The following RALYL variants were observed in gnomAD, a reference collection of about 807,000 sequenced individuals.
The protein encoded by RALYL is RALY RNA binding protein like.
RALYL carries 29 observed loss-of-function variants against 35.1 expected under a neutral mutation model. The ratio of observed to expected loss-of-function variants is 0.83; its 90% CI spans 0.61 to 1.13. RALYL has a LOEUF of 1.13. RALYL is among the 50% of genes most tolerant of loss of function. The pLI is 0.00. For synonymous variants in RALYL, 120 were observed against 127.6 expected (o/e 0.94, Z 0.40); for missense variants, 359 against 360.4 (o/e 1.00, Z 0.03).
chr8:84,624,668 C>T (rs1588601437), intron 2 of RALYL, among the ~76,000 whole-genome samples: 1 of 152,256 alleles, frequency 6.6e-6, no homozygotes, highest in East Asian at 1.9e-4. Flanking sequence ...TGTAAGATTA[C>T]ATATTCACAG....
intron 1 of RALYL, among the ~76,000 whole-genome samples, chr8:84,266,798 A>G (rs1480913214): frequency 6.6e-6 from 1 of 151,916 alleles, no homozygotes; most frequent in African/African-American, 2.4e-5. Flanking sequence ...GTCTCTACTA[A>G]AAATACAAAA....
chr8:84,371,038 T>A (rs1855573947), intron 1 of RALYL, among the ~76,000 whole-genome samples: 1 of 151,980 alleles, frequency 6.6e-6, no homozygotes, highest in South Asian at 2.1e-4. Flanking sequence ...GCCTGGCCTA[T>A]GATGTGAGCG....
chr8:84,246,856 A>C (rs73688440), intron 1 of RALYL, among the ~76,000 whole-genome samples: 4,371 of 152,256 alleles, frequency 0.029, 214 homozygotes, highest in African/African-American at 0.098. Flanking sequence ...CCAAGCAAAA[A>C]AAAAGTGATC....
rs1845805559 is a variant in RALYL, at chr8:84,902,188, C to T, written c.858+14412C>T. ...GGCTGTACAGGGAGCATGATGCTGG[C>T]ATCTCCTCAGCTTCCGAGGAGGCCC... On this transcript the variant is annotated intron_variant, in intron 8 of 8. Transcript: ENST00000521268. 1.3e-5 allele frequency among the ~76,000 whole-genome samples: 2 copies of T among 152,084 alleles called. 1 individual carries two copies. Among genetic ancestry groups the T allele is most frequent in the Admixed American group, 1.3e-4 (2 of 15,256 alleles).
intron 2 of RALYL, among the ~76,000 whole-genome samples, chr8:84,590,930 A>G (rs1813106137): frequency 6.6e-6 from 1 of 152,078 alleles, no homozygotes; most frequent in African/African-American, 2.4e-5. Context: ...CTTATTAATT[A>G]TAGGCATAAT....
intron 4 of RALYL, among the ~76,000 whole-genome samples, chr8:84,815,448 A>T (rs1826986799): frequency 1.4e-5 from 2 of 147,972 alleles, no homozygotes; most frequent in South Asian, 4.2e-4. Context: ...TTTATTATAA[A>T]TACATAATAC....
chr8:84,745,164 G>A (rs1255470199), intron 2 of RALYL, among the ~76,000 whole-genome samples: 1 of 151,594 alleles, frequency 6.6e-6, no homozygotes, highest in East Asian at 1.9e-4. Context: ...ACAATGTTCT[G>A]TATGATTTCA....
At chr8:84,822,752 ACATTGTTTTTAAAAG>A (rs1828812041) in intron 4 of RALYL, among the ~76,000 whole-genome samples, 1 of 152,192 alleles carries the variant, frequency 6.6e-6, no homozygotes, top group African/African-American at 2.4e-5. Flanking sequence ...TATGCAATGC[ACATTGTTTTTAAAAG>A]CATCGTTAAT....
chr8:84,514,090 T>TAAAAAAAAAAAAAAAAAAAA (rs57881021), intron 1 of RALYL, among the ~76,000 whole-genome samples: 20 of 41,116 alleles, frequency 4.9e-4, no homozygotes, highest in Non-Finnish European at 6.3e-4. Context: ...AGATTTCATC[T>TAAAAAAAAAAAAAAAAAAAA]AAAAAAAAAA....
chr8:84,264,238 A>G (rs544975266), intron 1 of RALYL, among the ~76,000 whole-genome samples: 2 of 152,298 alleles, frequency 1.3e-5, no homozygotes, highest in South Asian at 4.1e-4. Context: ...CTAACAGTGT[A>G]AAAGCATTCC....
chr8:84,599,505 G>A (rs115879293), intron 2 of RALYL, among the ~76,000 whole-genome samples: 348 of 152,034 alleles, frequency 2.3e-3, no homozygotes, highest in African/African-American at 5.2e-3. Context: ...TAGAATAACT[G>A]TAGCAAACAT....
At chr8:84,572,214 GT>G (rs1808175119) in intron 2 of RALYL, among the ~76,000 whole-genome samples, 1 of 146,490 alleles carries the variant, frequency 6.8e-6, no homozygotes, top group African/African-American at 2.5e-5. Context: ...TGTTTTTTTT[GT>G]TTTTGTTGTT....
chr8:84,284,371 G>A (rs1488218666), intron 1 of RALYL, among the ~76,000 whole-genome samples: 2 of 152,094 alleles, frequency 1.3e-5, no homozygotes, highest in Admixed American at 6.6e-5. Context: ...GTCATCTGTA[G>A]TTCAGCATTA....
intron 2 of RALYL, among the ~76,000 whole-genome samples, chr8:84,534,902 T>G (rs1188762386): frequency 6.6e-6 from 1 of 152,206 alleles, no homozygotes; most frequent in Non-Finnish European, 1.5e-5. Flanking sequence ...CAGTTTTTTA[T>G]AAATATAATC....
At chr8:84,207,710 TTAAA>T (rs1335741035) in intron 1 of RALYL, among the ~76,000 whole-genome samples, 1 of 152,006 alleles carries the variant, frequency 6.6e-6, no homozygotes, top group Non-Finnish European at 1.5e-5. Flanking sequence ...ACAGCAGGTC[TTAAA>T]TATATTCACC....
chr8:84,678,491 T>G (rs1834685388), intron 2 of RALYL, among the ~76,000 whole-genome samples: 1 of 152,056 alleles, frequency 6.6e-6, no homozygotes, highest in Non-Finnish European at 1.5e-5. Flanking sequence ...GGTTTCAAAC[T>G]CCTGATCTAA....
At chr8:84,767,794 C>A (rs1214265773) in intron 2 of RALYL, among the ~76,000 whole-genome samples, 1 of 152,158 alleles carries the variant, frequency 6.6e-6, no homozygotes, top group East Asian at 1.9e-4. Context: ...TTGGTTTTAT[C>A]AATCCTCACT....
chr8:84,845,350 G>GT (rs919231936), intron 4 of RALYL, among the ~76,000 whole-genome samples: 10 of 149,436 alleles, frequency 6.7e-5, no homozygotes, highest in Non-Finnish European at 7.5e-5. Flanking sequence ...TACATCTGTT[G>GT]TTTTTTTATT....
At chr8:84,577,785 A>C (rs1431693490) in intron 2 of RALYL, among the ~76,000 whole-genome samples, 1 of 152,228 alleles carries the variant, frequency 6.6e-6, no homozygotes, top group Admixed American at 6.5e-5. Context: ...AAAATTAAGA[A>C]AATTTGTGAA....
Sources: gnomAD v4.1 joint callset for allele counts (sites outside exome capture counted in the v4.1 genomes callset) on GRCh38, gnomAD v4.1.1 for gene constraint, MANE v1.5 for transcripts, NCBI Gene and HGNC (gene_info 2026-07-23, HGNC 2026-07-21) for gene names.